GPM6B: variants seen among roughly 807,000 people sequenced by gnomAD.
The protein encoded by GPM6B is glycoprotein M6B.
A neutral mutation model predicts 27.2 loss-of-function variants in GPM6B; 4 were observed. The observed-to-expected ratio is 0.15, with a 90% CI of 0.07 to 0.34. GPM6B has a LOEUF of 0.34. GPM6B is among the 10% of genes least tolerant of loss of function. GPM6B has a pLI of 1.00. For missense variants in GPM6B, 183 were observed against 261.9 expected, an observed-to-expected ratio of 0.70 and a Z score of 2.08; for synonymous variants, 124 against 103.1, an observed-to-expected ratio of 1.20 and a Z score of -1.23.
intron 1 of GPM6B, among the ~76,000 whole-genome samples, chrX:13,873,820 T>C (rs1294809869): frequency 8.9e-6 from 1 of 111,940 alleles, no homozygotes; most frequent in African/African-American, 3.2e-5. Flanking sequence ...ACACCAAACA[T>C]TTATATTTAA....
At chrX:13,837,018 A>G (rs1463738239) in intron 1 of GPM6B, among the ~76,000 whole-genome samples, 1 of 112,454 alleles carries the variant, frequency 8.9e-6, no homozygotes, top group Non-Finnish European at 1.9e-5. Flanking sequence ...CTGTTGTCTC[A>G]TTGTTCAGAA....
intron 1 of GPM6B, among the ~76,000 whole-genome samples, chrX:13,903,448 G>A (rs1374624126): frequency 8.9e-6 from 1 of 112,000 alleles, no homozygotes; most frequent in Non-Finnish European, 1.9e-5. Flanking sequence ...TGAGGAAATT[G>A]AAGCTCAGGG....
At chrX:13,899,201 A>C (rs955912327) in intron 1 of GPM6B, among the ~76,000 whole-genome samples, 1 of 109,618 alleles carries the variant, frequency 9.1e-6, no homozygotes, top group African/African-American at 3.3e-5. Flanking sequence ...ACTTGAGCTC[A>C]GGAGTTCAAG....
chrX:13,792,287 T>G (rs181316901), intron 2 of GPM6B, among the ~76,000 whole-genome samples: 37 of 111,422 alleles, frequency 3.3e-4, no homozygotes, highest in Admixed American at 5.7e-4. Context: ...ACACCCACAG[T>G]GTACAGAATA....
chrX:13,808,370 A>G lies in GPM6B; in HGVS notation c.62-601T>C, dbSNP rs903686403. Among the ~76,000 whole-genome samples, 15 of 112,416 alleles carry G rather than the reference A, an allele frequency of 1.3e-4. No homozygotes were observed. The Admixed American group carries it at 1.4e-3, about 11-fold the overall frequency. ...ATTTTCTCCCATGTGCTATACAGAA[A>G]GGGCTACTGGTCTTGGGCTCGAACC... On this transcript the variant is annotated intron_variant, in intron 1 of 7. Transcript: ENST00000316715.
intron 1 of GPM6B, among the ~76,000 whole-genome samples, chrX:13,833,229 T>C (rs1194654656): frequency 2.7e-5 from 3 of 111,865 alleles, no homozygotes; most frequent in Admixed American, 9.5e-5. Flanking sequence ...TATCCTGTAA[T>C]TGTACATTCA....
At chrX:13,865,559 A>AAAAAAAAG (rs34662549) in intron 1 of GPM6B, among the ~76,000 whole-genome samples, 2 of 52,921 alleles carry the variant, frequency 3.8e-5, no homozygotes, top group Admixed American at 2.4e-4. Context: ...AAAAAAAAAA[A>AAAAAAAAG]AAAGAAAGAA....
intron 2 of GPM6B, among the ~76,000 whole-genome samples, chrX:13,793,657 G>A (rs923388008): frequency 2.7e-5 from 3 of 112,157 alleles, no homozygotes; most frequent in African/African-American, 9.7e-5. Flanking sequence ...ATAGAGCAGA[G>A]GTTCTCCATT....
At chrX:13,821,140 A>G (rs777269852), upstream of GPM6B, among the ~76,000 whole-genome samples, 14 of 111,555 alleles carry the variant, frequency 1.3e-4, no homozygotes, top group South Asian at 2.7e-3. Context: ...ACCACCAAAT[A>G]GCCTTTGGAA....
intron 2 of GPM6B, among the ~76,000 whole-genome samples, chrX:13,791,741 G>A (rs1423846156): frequency 2.7e-5 from 3 of 111,551 alleles, no homozygotes; most frequent in Non-Finnish European, 3.8e-5. Context: ...GTGGATGGCC[G>A]TTGCCATGGC....
At chrX:13,835,012 G>A (rs919146291) in intron 1 of GPM6B, among the ~76,000 whole-genome samples, 1 of 111,627 alleles carries the variant, frequency 9.0e-6, no homozygotes, top group African/African-American at 3.3e-5. Flanking sequence ...GTGAACAGAG[G>A]GACACAAACA....
At chrX:13,856,093 G>A (rs2049776634) in intron 1 of GPM6B, among the ~76,000 whole-genome samples, 1 of 111,856 alleles carries the variant, frequency 8.9e-6, no homozygotes, top group South Asian at 3.7e-4. Context: ...ATGAGGGGCA[G>A]TTAATCACCA....
intron 1 of GPM6B, among the ~76,000 whole-genome samples, chrX:13,924,596 C>A (rs188429503): frequency 2.7e-5 from 3 of 112,123 alleles, no homozygotes; most frequent in Non-Finnish European, 5.6e-5. Flanking sequence ...CCTCCATGCC[C>A]GGCCACAACC....
intron 1 of GPM6B, among the ~76,000 whole-genome samples, chrX:13,931,355 G>A (rs987045797): frequency 9.1e-6 from 1 of 109,675 alleles, no homozygotes; most frequent in African/African-American, 3.3e-5. Flanking sequence ...GGGCATGGTG[G>A]TGGGCGCCTG....
At chrX:13,886,822 T>C (rs779893870) in intron 1 of GPM6B, among the ~76,000 whole-genome samples, 1 of 107,332 alleles carries the variant, frequency 9.3e-6, no homozygotes, top group Non-Finnish European at 1.9e-5. Flanking sequence ...ACAGCCTTCA[T>C]CTTTTTGTTT....
chrX:13,893,995 T>C (rs2050210669), intron 1 of GPM6B, among the ~76,000 whole-genome samples: 1 of 111,856 alleles, frequency 8.9e-6, no homozygotes, highest in African/African-American at 3.3e-5. Flanking sequence ...GGGCATTCCT[T>C]CTCTCCACAT....
At chrX:13,855,604 A>G (rs931169022) in intron 1 of GPM6B, among the ~76,000 whole-genome samples, 16 of 112,314 alleles carry the variant, frequency 1.4e-4, no homozygotes, top group African/African-American at 5.2e-4. Flanking sequence ...TCTAAATGCT[A>G]GCAAAAAATT....
intron 1 of GPM6B, among the ~76,000 whole-genome samples, chrX:13,826,308 A>C (rs773611013): frequency 2.6e-4 from 29 of 111,024 alleles, no homozygotes; most frequent in Non-Finnish European, 4.9e-4. Context: ...CTTACGTCTC[A>C]GCATCCTGAG....
At chrX:13,841,768 A>G (rs2049578307) in intron 1 of GPM6B, among the ~76,000 whole-genome samples, 1 of 111,458 alleles carries the variant, frequency 9.0e-6, no homozygotes, top group Non-Finnish European at 1.9e-5. Flanking sequence ...CCAATCTACA[A>G]TGGAACCCCT....
Sources: allele counts gnomAD v4.1 joint callset (sites outside exome capture counted in the v4.1 genomes callset), GRCh38; gene constraint gnomAD v4.1.1; transcripts MANE v1.5; gene names NCBI Gene and HGNC (gene_info 2026-07-23, HGNC 2026-07-21).